AP3B1: variants seen among roughly 807,000 people sequenced by gnomAD.
The protein encoded by AP3B1 is AP-3 complex subunit beta-1.
AP3B1 carries 61 observed loss-of-function variants against 132.5 expected under a neutral mutation model. That is an observed-to-expected ratio of 0.46 (90% CI 0.37 to 0.57). The LOEUF (loss-of-function observed/expected upper bound fraction) is 0.57, where lower values mean the gene tolerates loss of function less well. Among genes scored for constraint, AP3B1 ranks in the 20% least tolerant of loss-of-function variants. The probability of loss-of-function intolerance (pLI) is 0.00; values close to 1 mark genes in which losing one functional copy is unlikely to be tolerated. For missense variants in AP3B1, 1,120 were observed against 1,289.4 expected, an observed-to-expected ratio of 0.87 and a Z score of 2.01; for synonymous variants, 388 against 438.3, an observed-to-expected ratio of 0.89 and a Z score of 1.43.
At chr5:78,025,979 A>C (rs1747325536) in intron 24 of AP3B1, among the ~76,000 whole-genome samples, 1 of 152,170 alleles carries the variant, frequency 6.6e-6, no homozygotes. Flanking sequence ...TTTCATTTAC[A>C]TGAGTGTTCT....
At chr5:78,275,682 C>A (rs559869067) in intron 1 of AP3B1, among the ~76,000 whole-genome samples, 8 of 152,220 alleles carry the variant, frequency 5.3e-5, no homozygotes, top group African/African-American at 1.9e-4. Context: ...ACCATGTTGG[C>A]TAAGATGGTC....
At chr5:78,119,985 T>G (rs557256480) in intron 17 of AP3B1, among the ~76,000 whole-genome samples, 218 of 152,280 alleles carry the variant, frequency 1.4e-3, no homozygotes, top group African/African-American at 5.0e-3. Context: ...GACTAACAGC[T>G]GATCTCTTGG....
chr5:78,094,249 T>G (rs1750673519), intron 21 of AP3B1, among the ~76,000 whole-genome samples: 1 of 152,204 alleles, frequency 6.6e-6, no homozygotes, highest in African/African-American at 2.4e-5. Context: ...CATATTGATA[T>G]CTCTAAGTCT....
chr5:78,257,464 A>G (rs897655381), intron 2 of AP3B1, among the ~76,000 whole-genome samples: 1 of 152,146 alleles, frequency 6.6e-6, no homozygotes, highest in Admixed American at 6.6e-5. Context: ...ACTTAACCAA[A>G]GAAGTGAACT....
At chr5:78,165,476 A>G in intron 12 of AP3B1, 134 bp downstream of exon 12, 1 of 653,564 alleles carries the variant, frequency 1.5e-6, no homozygotes, top group East Asian at 2.8e-5. Context: ...CAAATTTATG[A>G]ATTTCTTAGT....
At chr5:78,146,912 T>C (rs1283295710) in intron 14 of AP3B1, among the ~76,000 whole-genome samples, 1 of 152,140 alleles carries the variant, frequency 6.6e-6, no homozygotes, top group Non-Finnish European at 1.5e-5. Context: ...ATGCAAAATC[T>C]TTAAGCTTCC....
chr5:78,191,220 G>C (rs1334280651), intron 7 of AP3B1, among the ~76,000 whole-genome samples: 1 of 151,858 alleles, frequency 6.6e-6, no homozygotes, highest in African/African-American at 2.4e-5. Flanking sequence ...AGAAAAGCTG[G>C]GGAAAAGTTA....
chr5:78,176,355 AAGTATTGAACT>A (rs1463189267), intron 9 of AP3B1, among the ~76,000 whole-genome samples: 1 of 151,660 alleles, frequency 6.6e-6, no homozygotes, highest in African/African-American at 2.4e-5. Flanking sequence ...AAAAAAAAAA[AAGTATTGAACT>A]AGCAAAAGAG....
At chr5:78,146,269 T>C (rs2112336848) in intron 14 of AP3B1, among the ~76,000 whole-genome samples, 1 of 152,326 alleles carries the variant, frequency 6.6e-6, no homozygotes, top group South Asian at 2.1e-4. Context: ...TTATGTCTGC[T>C]ACATCCCTCA....
At chr5:78,185,972 CCA>C (rs2112423496) in intron 7 of AP3B1, among the ~76,000 whole-genome samples, 1 of 151,732 alleles carries the variant, frequency 6.6e-6, no homozygotes, top group East Asian at 1.9e-4. Flanking sequence ...TTGAAATAAC[CCA>C]CAGTTAAGAG....
At chr5:78,120,563 C>A (rs1246130640) in intron 17 of AP3B1, among the ~76,000 whole-genome samples, 6 of 116,754 alleles carry the variant, frequency 5.1e-5, no homozygotes, top group Admixed American at 4.3e-4. Flanking sequence ...ATAAAACAGA[C>A]TTTAAACCAA....
intron 22 of AP3B1, among the ~76,000 whole-genome samples, chr5:78,076,428 C>T (rs190313717): frequency 5.3e-5 from 8 of 152,286 alleles, no homozygotes; most frequent in African/African-American, 7.2e-5. Flanking sequence ...TCTTGAGGGG[C>T]GACCTCTAAA....
At chr5:78,190,866 T>C (rs373855788) in intron 7 of AP3B1, among the ~76,000 whole-genome samples, 25 of 152,232 alleles carry the variant, frequency 1.6e-4, no homozygotes, top group African/African-American at 5.8e-4. Context: ...AAATTCAATA[T>C]CCCTAGATGC....
intron 2 of AP3B1, among the ~76,000 whole-genome samples, chr5:78,265,205 G>C (rs1748268564): frequency 6.6e-6 from 1 of 151,722 alleles, no homozygotes; most frequent in African/African-American, 2.4e-5. Context: ...GAAAGGCTGA[G>C]GTGGGAAGAT....
Position 78,020,699 on chromosome 5 carries a change from T to G in AP3B1, c.2985A>C (p.Lys995Asn). 1 of 1,611,066 alleles carries G rather than the reference T, an allele frequency of 6.2e-7. No homozygotes were observed. The highest frequency in any genetic ancestry group is 8.5e-7 in the Non-Finnish European group (1 of 1,177,778). Residue 995 changes from lysine (K) to asparagine (N), a missense_variant, in exon 25 of 27, where the codon AAA becomes AAC. Lys to Asn is a moderately conservative substitution (Grantham distance 94). This residue lies in a region of AP3B1 where 906 missense variants were observed against 997.1 expected (regional missense o/e 0.91). Transcript: ENST00000255194. ...GTTGTAGACATCTCTCACCTTGCTC[T>G]TTCTTAAAATCTTTCTCTGACATGG... ...PVAMSEKDFK[K>N]EQGVLTGMNE...
chr5:78,154,040 A>C (rs1415566601), intron 14 of AP3B1, among the ~76,000 whole-genome samples: 2 of 152,126 alleles, frequency 1.3e-5, no homozygotes, highest in Non-Finnish European at 2.9e-5. Flanking sequence ...TTACCAGTGA[A>C]TTTTGTGCCT....
At chr5:78,201,618 CTT>C in intron 7 of AP3B1, among the ~76,000 whole-genome samples, 1 of 152,244 alleles carries the variant, frequency 6.6e-6, no homozygotes, top group South Asian at 2.1e-4. Context: ...TTAAATTAAT[CTT>C]TGTTATCAGT....
intron 6 of AP3B1, among the ~76,000 whole-genome samples, chr5:78,220,151 T>C (rs1746120153): frequency 6.6e-6 from 1 of 152,096 alleles, no homozygotes; most frequent in South Asian, 2.1e-4. Flanking sequence ...AATTAAGATA[T>C]GATCCACAAA....
chr5:78,225,978 T>C (rs1746384034), intron 5 of AP3B1, among the ~76,000 whole-genome samples: 2 of 152,070 alleles, frequency 1.3e-5, no homozygotes, highest in South Asian at 2.1e-4. Context: ...TTACTATGCA[T>C]ACATACTTCC....
Sources: gnomAD v4.1 joint callset for allele counts (sites outside exome capture counted in the v4.1 genomes callset) on GRCh38, gnomAD v4.1.1 for gene constraint, gnomAD v4.1.1 regional missense constraint, MANE v1.5 for transcripts, NCBI Gene and HGNC (gene_info 2026-07-23, HGNC 2026-07-21) for gene names.